The following FAM120A variants were observed in gnomAD, a reference collection of about 807,000 sequenced individuals.
FAM120A encodes family with sequence similarity 120 member A, also known as constitutive coactivator of PPAR-gamma-like protein 1.
In FAM120A, 15 loss-of-function variants were observed where a neutral mutation model predicts 109.7. The observed-to-expected ratio is 0.14, with a 90% CI of 0.09 to 0.21. The LOEUF (loss-of-function observed/expected upper bound fraction) is 0.21, where lower values mean the gene tolerates loss of function less well. FAM120A is among the 10% of genes least tolerant of loss of function. The pLI, the probability that FAM120A is intolerant of heterozygous loss-of-function variation, is 1.00. For synonymous variants in FAM120A, 493 were observed against 572.8 expected (o/e 0.86, Z 1.99); for missense variants, 899 against 1,439.3 (o/e 0.62, Z 6.07).
intron 1 of FAM120A, among the ~76,000 whole-genome samples, chr9:93,464,280 A>G (rs1274224364): frequency 6.6e-6 from 1 of 152,202 alleles, no homozygotes; most frequent in Non-Finnish European, 1.5e-5. Flanking sequence ...TGCCTTTTTA[A>G]TGATGAAATG....
intron 15 of FAM120A, 54 bp from the exon 16 acceptor site, chr9:93,561,055 A>C (rs757795403): frequency 7.6e-6 from 12 of 1,580,844 alleles, no homozygotes; most frequent in African/African-American, 2.7e-5. Flanking sequence ...TCTTTTTGCT[A>C]TTCTTAATTC....
intron 11 of FAM120A, 88 bp downstream of exon 11, chr9:93,543,559 G>A: frequency 6.8e-7 from 1 of 1,476,258 alleles, no homozygotes; most frequent in Non-Finnish European, 9.1e-7. Flanking sequence ...TAGAAAGGAT[G>A]TAAAGTTTAT....
intron 7 of FAM120A, among the ~76,000 whole-genome samples, chr9:93,518,151 C>G (rs1860680883): frequency 6.6e-6 from 1 of 152,128 alleles, no homozygotes; most frequent in Non-Finnish European, 1.5e-5. Context: ...ACATGTTAGA[C>G]TTGAGATGAA....
chr9:93,527,232 A>T lies in FAM120A; in HGVS notation c.1496A>T (p.Asp499Val), dbSNP rs1275489334. 1 of 1,614,038 alleles carries T rather than the reference A, an allele frequency of 6.2e-7. No individual in the cohort carries two copies. Among genetic ancestry groups the T allele is most frequent in the East Asian group, 2.2e-5 (1 of 44,890 alleles). ...CCTCAGGCACGAGGAGACCCAGGAG[A>T]CCAAACAAAGGTAGAAAGTCTATGC... Reference protein sequence around the residue: ...SEPQARGDPGDQTKAEGSSTA... With the variant: ...SEPQARGDPGVQTKAEGSSTA... The change falls in exon 8 of 18, where the codon GAC becomes GTC. Residue 499 changes from aspartate to valine, a missense_variant. Coordinates refer to ENST00000277165, the MANE Select transcript of FAM120A (RefSeq NM_014612.5).
At chr9:93,506,393 A>G (rs996822443) in intron 5 of FAM120A, among the ~76,000 whole-genome samples, 1 of 152,066 alleles carries the variant, frequency 6.6e-6, no homozygotes, top group Non-Finnish European at 1.5e-5. Flanking sequence ...CTAAATATTT[A>G]TTTTTGGGTG....
rs1861621374 is a variant in FAM120A at position 93,539,348 on chromosome 9, G to A, written c.1910-3874G>A. 2.0e-5 allele frequency among the ~76,000 whole-genome samples: 3 copies of A among 152,198 alleles called. No homozygotes were observed. The South Asian group carries it at 6.2e-4, about 32-fold the overall frequency. ...AAAAGTTGGTTTAGTGTAAGTTAAG[G>A]AAGACAGTTTAATATTCAGTCTTTC... On this transcript the variant is annotated intron_variant, in intron 10 of 17. Coordinates refer to ENST00000277165, the MANE Select transcript of FAM120A (RefSeq NM_014612.5).
intron 3 of FAM120A, among the ~76,000 whole-genome samples, chr9:93,489,201 C>A (rs6479490): frequency 0.9 from 136,660 of 151,912 alleles, 61,530 homozygotes; most frequent in East Asian, 1. Context: ...AAGTGTGTAG[C>A]GTCCACTCAG....
At chr9:93,477,643 C>T (rs546438034) in intron 3 of FAM120A, among the ~76,000 whole-genome samples, 5 of 152,242 alleles carry the variant, frequency 3.3e-5, no homozygotes, top group African/African-American at 9.6e-5. Context: ...AAGCATTATG[C>T]TTTTGTAAGT....
chr9:93,502,966 G>A lies in FAM120A; in HGVS notation c.1030+4080G>A, dbSNP rs182092907. ...AGATCTGTGGATGTGGAATCTATGGGCACAGATCCCGTGTGCAGGTGAAAT... is the reference window on the plus strand; with the variant it reads ...AGATCTGTGGATGTGGAATCTATGGACACAGATCCCGTGTGCAGGTGAAAT... On this transcript the variant is annotated intron_variant, in intron 5 of 17. Transcript: ENST00000277165. Among the ~76,000 whole-genome samples the A allele has an allele frequency of 2.1e-3, 316 of 152,346 alleles. 2 individuals are homozygous for A. The highest frequency in any genetic ancestry group is 7.1e-3 in the African/African-American group (296 of 41,578).
chr9:93,481,856 C>T (rs1858824654), intron 3 of FAM120A, among the ~76,000 whole-genome samples: 1 of 152,150 alleles, frequency 6.6e-6, no homozygotes, highest in South Asian at 2.1e-4. Context: ...CCTTTCTGAC[C>T]CCATCAGCTG....
intron 3 of FAM120A, among the ~76,000 whole-genome samples, chr9:93,492,669 G>A (rs1275721335): frequency 1.3e-5 from 2 of 152,210 alleles, no homozygotes; most frequent in East Asian, 3.8e-4. Flanking sequence ...TGCGAAGTGG[G>A]GTGGTGGAGG....
rs60903831 is a variant in FAM120A, at chr9:93,557,127, G to GTTT, written c.2484+553_2484+555dup. Among the ~76,000 whole-genome samples, 797 of 120,172 alleles carry GTTT rather than the reference G, an allele frequency of 6.6e-3. 16 individuals are homozygous for GTTT. Among genetic ancestry groups the GTTT allele is most frequent in the African/African-American group, 0.011 (343 of 31,124 alleles). 78.8% of individuals were successfully genotyped at this position (120,172 alleles called of 152,430 possible). A position where few individuals can be genotyped will look rare whatever the true frequency, so the allele number is the denominator to read the frequency against. On this transcript the variant is annotated intron_variant, in intron 13 of 17. Coordinates refer to ENST00000277165, the MANE Select transcript of FAM120A (RefSeq NM_014612.5). ...CCATTTTATTTGTTTGTTTGTTTTG[G>GTTT]TTTTTTTTTTTTTTTTTTTGAGATG...
intron 9 of FAM120A, chr9:93,529,859 T>A: frequency 1.8e-6 from 1 of 549,162 alleles, no homozygotes; most frequent in Admixed American, 3.6e-5. Flanking sequence ...ATTTTATGAC[T>A]TGTAATTTTA....
chr9:93,465,713 A>C (rs1034198507), intron 1 of FAM120A, among the ~76,000 whole-genome samples: 2 of 152,196 alleles, frequency 1.3e-5, no homozygotes, highest in African/African-American at 4.8e-5. Context: ...CTAAACCAAG[A>C]AAATACCCTT....
rs1329335213 is a variant in FAM120A, at chr9:93,532,780, A to T, written c.1909+451A>T. Among the ~76,000 whole-genome samples the T allele has an allele frequency of 6.6e-6, 1 of 152,112 alleles. No homozygotes were observed. The highest frequency in any genetic ancestry group is 1.5e-5 in the Non-Finnish European group (1 of 68,020). On this transcript the variant is annotated intron_variant, in intron 10 of 17. Coordinates refer to ENST00000277165, the MANE Select transcript of FAM120A (RefSeq NM_014612.5). This position sits in a 1 kb window ranked among gnomAD's most constrained non-coding sequence, Gnocchi z 4.3. Reference sequence around the variant, plus strand: ...ATGTTTGTGCTGTTGGAGTGCCACCACGCATGGCTCTGCAGCTGTAGCGAA... The same window carrying T: ...ATGTTTGTGCTGTTGGAGTGCCACCTCGCATGGCTCTGCAGCTGTAGCGAA...
chr9:93,514,932 C>T (rs1353934455), intron 5 of FAM120A, among the ~76,000 whole-genome samples: 2 of 152,232 alleles, frequency 1.3e-5, no homozygotes, highest in African/African-American at 4.8e-5. Context: ...GTCCTGCTGT[C>T]CTGCTTCAGC....
intron 5 of FAM120A, among the ~76,000 whole-genome samples, chr9:93,505,009 G>A (rs541773153): frequency 6.8e-6 from 1 of 146,854 alleles, no homozygotes; most frequent in African/African-American, 2.5e-5. Context: ...GGCCAGTAGG[G>A]TTTCCTCTAT....
At chr9:93,503,119 C>T (rs141416342) in intron 5 of FAM120A, among the ~76,000 whole-genome samples, 16 of 152,312 alleles carry the variant, frequency 1.1e-4, no homozygotes, top group African/African-American at 3.8e-4. Flanking sequence ...ACACTAAATG[C>T]TGGTGAGGAT....
At chr9:93,457,169 A>G (rs931477476) in intron 1 of FAM120A, among the ~76,000 whole-genome samples, 3 of 152,160 alleles carry the variant, frequency 2.0e-5, no homozygotes, top group Non-Finnish European at 4.4e-5. Flanking sequence ...CCACTTTTTG[A>G]CTATTGGGAA....
Sources: allele counts gnomAD v4.1 joint callset (sites outside exome capture counted in the v4.1 genomes callset), GRCh38; gene constraint gnomAD v4.1.1; non-coding constraint Gnocchi (gnomAD v3.1); transcripts MANE v1.5; gene names NCBI Gene and HGNC (gene_info 2026-07-23, HGNC 2026-07-21).